Variants in CTNNA2 observed in about 807,000 individuals in gnomAD.
CTNNA2 encodes the protein catenin alpha 2.
In CTNNA2, 42 loss-of-function variants were observed where a neutral mutation model predicts 101.0. The observed-to-expected ratio is 0.42, with a 90% CI of 0.32 to 0.54. The LOEUF (loss-of-function observed/expected upper bound fraction) is 0.54, where lower values mean the gene tolerates loss of function less well. Among genes scored for constraint, CTNNA2 ranks in the 20% least tolerant of loss-of-function variants. The pLI, the probability that CTNNA2 is intolerant of heterozygous loss-of-function variation, is 0.14. For synonymous variants in CTNNA2, 450 were observed against 456.4 expected, an observed-to-expected ratio of 0.99 and a Z score of 0.18; for missense variants, 871 against 1,223.1, an observed-to-expected ratio of 0.71 and a Z score of 4.29.
intron 3 of CTNNA2, among the ~76,000 whole-genome samples, chr2:79,828,101 A>G (rs1678583316): frequency 6.6e-6 from 1 of 152,168 alleles, no homozygotes; most frequent in African/African-American, 2.4e-5. Flanking sequence ...CTTACATATG[A>G]GGTTAAAGGA....
At chr2:80,643,975 T>A (rs1413535508) in intron 18 of CTNNA2, among the ~76,000 whole-genome samples, 1 of 152,142 alleles carries the variant, frequency 6.6e-6, no homozygotes, top group East Asian at 1.9e-4. Context: ...GTTAAAAGGA[T>A]GTTGCCAGGT....
Position 80,018,040 on chromosome 2 carries a change from A to T in CTNNA2, c.1056+108243A>T, listed in dbSNP as rs573895548. On this transcript the variant is annotated intron_variant, in intron 7 of 18. Coordinates refer to ENST00000402739, the MANE Select transcript of CTNNA2 (RefSeq NM_001282597.3). ...AAAATTTAAGCAATTGTTAGTGTTTAGGAAAGCATAAATATGTTCATGATT... is the reference window on the plus strand; with the variant it reads ...AAAATTTAAGCAATTGTTAGTGTTTTGGAAAGCATAAATATGTTCATGATT... Among the ~76,000 whole-genome samples, 108 of 152,340 alleles carry T rather than the reference A, an allele frequency of 7.1e-4. 2 individuals carry two copies. Among genetic ancestry groups the T allele is most frequent in the Admixed American group, 4.0e-3 (61 of 15,300 alleles).
At chr2:79,737,608 C>T (rs562398057) in intron 2 of CTNNA2, among the ~76,000 whole-genome samples, 1 of 152,234 alleles carries the variant, frequency 6.6e-6, no homozygotes, top group South Asian at 2.1e-4. Context: ...TTTAGCGTTT[C>T]TTATATTTTA....
chr2:79,435,039 T>C (rs1218977619), intron 4 of CTNNA2, among the ~76,000 whole-genome samples: 1 of 152,124 alleles, frequency 6.6e-6, no homozygotes, highest in Non-Finnish European at 1.5e-5. Context: ...CCATAGTGCC[T>C]ACATTCTACT....
intron 4 of CTNNA2, among the ~76,000 whole-genome samples, chr2:79,377,959 A>G (rs1390017428): frequency 6.6e-6 from 1 of 152,158 alleles, no homozygotes; most frequent in East Asian, 1.9e-4. Flanking sequence ...TACCTTGCAC[A>G]TACAGTAAAA....
chr2:79,510,248 T>G (rs894133568), upstream of CTNNA2, among the ~76,000 whole-genome samples: 14 of 152,192 alleles, frequency 9.2e-5, no homozygotes, highest in Non-Finnish European at 2.1e-4. Context: ...ATTGCTTGTT[T>G]TTCTGAGGAC....
Position 80,174,526 on chromosome 2 carries a change from A to G in CTNNA2, c.1057-218685A>G, listed in dbSNP as rs372099182. Among the ~76,000 whole-genome samples, 2 of 152,106 alleles carry G rather than the reference A, an allele frequency of 1.3e-5. 1 individual carries two copies. The highest frequency in any genetic ancestry group is 4.1e-4 in the South Asian group (2 of 4,822). On this transcript the variant is annotated intron_variant, in intron 7 of 18. Transcript: ENST00000402739. The stretch of plus-strand genomic sequence containing the variant: ...ATCCTAGGCCATCTCATTCTTGCCC[A>G]TGGCTTTCATTACTCATGAACACAT...
intron 1 of CTNNA2, among the ~76,000 whole-genome samples, chr2:79,189,101 G>T (rs145503990): frequency 6.6e-6 from 1 of 152,284 alleles, no homozygotes; most frequent in African/African-American, 2.4e-5. Context: ...GCATCAAGAT[G>T]CTGGTTAGAC....
At chr2:79,585,161 A>G (rs1676401364) in intron 1 of CTNNA2, among the ~76,000 whole-genome samples, 1 of 151,800 alleles carries the variant, frequency 6.6e-6, no homozygotes, top group Non-Finnish European at 1.5e-5. Context: ...TTTTAGATGT[A>G]TTTTCTTCTG....
chr2:79,460,152 ATC>A (rs1558671264), intron 4 of CTNNA2, among the ~76,000 whole-genome samples: 8 of 152,138 alleles, frequency 5.3e-5, no homozygotes, highest in African/African-American at 1.9e-4. Context: ...CTTGTTGAAT[ATC>A]TCTACCTGGT....
intron 2 of CTNNA2, among the ~76,000 whole-genome samples, chr2:79,297,907 T>A (rs12465102): frequency 0.55 from 83,291 of 152,096 alleles, 25,626 homozygotes; most frequent in East Asian, 0.7. Flanking sequence ...TAGTTACTCA[T>A]CTATCTCTCA....
intron 2 of CTNNA2, among the ~76,000 whole-genome samples, chr2:79,733,428 T>C (rs1458511209): frequency 6.6e-6 from 1 of 152,124 alleles, no homozygotes; most frequent in Non-Finnish European, 1.5e-5. Context: ...CTTGTATTTT[T>C]AGTACTATCT....
chr2:80,512,772 A>G (rs1688810354), intron 9 of CTNNA2, among the ~76,000 whole-genome samples: 1 of 151,636 alleles, frequency 6.6e-6, no homozygotes, highest in Non-Finnish European at 1.5e-5. Context: ...TGTCCCCTTA[A>G]GGAGTCTTTT....
chr2:79,268,344 A>G (rs1240104742), intron 2 of CTNNA2, among the ~76,000 whole-genome samples: 2 of 152,064 alleles, frequency 1.3e-5, no homozygotes, highest in East Asian at 3.9e-4. Context: ...AGATAGATGG[A>G]CAACCTGGAG....
chr2:79,994,866 A>AC (rs1692435161), intron 7 of CTNNA2, among the ~76,000 whole-genome samples: 1 of 151,908 alleles, frequency 6.6e-6, no homozygotes. Flanking sequence ...TGATGTTCCT[A>AC]CCCCCACCAT....
At chr2:79,792,681 G>A (rs1675377671) in intron 3 of CTNNA2, among the ~76,000 whole-genome samples, 1 of 151,938 alleles carries the variant, frequency 6.6e-6, no homozygotes, top group South Asian at 2.1e-4. Flanking sequence ...CACAATTATT[G>A]TCCTAGATTG....
intron 3 of CTNNA2, among the ~76,000 whole-genome samples, chr2:79,814,057 G>T (rs1227176513): frequency 6.6e-6 from 1 of 151,866 alleles, no homozygotes; most frequent in African/African-American, 2.4e-5. Flanking sequence ...TTCTCTTTTT[G>T]TGTCTGCCCT....
At chr2:80,036,353 G>C (rs1387325296) in intron 7 of CTNNA2, among the ~76,000 whole-genome samples, 1 of 152,128 alleles carries the variant, frequency 6.6e-6, no homozygotes, top group African/African-American at 2.4e-5. Flanking sequence ...CAGCAATTTG[G>C]GAGGCCAAGG....
intron 7 of CTNNA2, among the ~76,000 whole-genome samples, chr2:80,200,931 A>G (rs1707166497): frequency 1.3e-5 from 2 of 152,138 alleles, no homozygotes; most frequent in East Asian, 1.9e-4. Context: ...TGAGGAAGTA[A>G]CAAAGATTAT....
Sources: allele counts gnomAD v4.1 joint callset (sites outside exome capture counted in the v4.1 genomes callset), GRCh38; gene constraint gnomAD v4.1.1; transcripts MANE v1.5; gene names NCBI Gene and HGNC (gene_info 2026-07-23, HGNC 2026-07-21).